The following REXO1 variants were observed in gnomAD, a reference collection of about 807,000 sequenced individuals.
The protein encoded by REXO1 is REX1, RNA exonuclease 1 homolog.
In REXO1, 42 loss-of-function variants were observed where a neutral mutation model predicts 102.6. That is an observed-to-expected ratio of 0.41 (90% CI 0.32 to 0.53). REXO1 has a LOEUF of 0.53. Ranked by LOEUF, REXO1 falls within the 20% of genes least tolerant of loss-of-function variation. The pLI is 0.27. For synonymous variants in REXO1, 908 were observed against 779.1 expected, an observed-to-expected ratio of 1.17 and a Z score of -2.76; for missense variants, 1,819 against 1,732.5, an observed-to-expected ratio of 1.05 and a Z score of -0.89.
At position 1,828,112 on chromosome 19, in the gene REXO1, G is replaced by C. The variant is rs145545644; in HGVS notation, c.677C>G (p.Ser226Cys). ...ATACTCCAGGTCTGTGGGTGGCCTG[G>C]AGTTGTCCACCACGTACTTGCCACT... Reference protein sequence around the residue: ...VPSGKYVVDNSRPPTDLEYDP... With the variant: ...VPSGKYVVDNCRPPTDLEYDP... The change falls in exon 2 of 16, where the codon TCC (serine) becomes TGC (cysteine). Residue 226 changes from serine (S) to cysteine (C), a missense_variant. Ser to Cys is a moderately radical substitution (Grantham distance 112). Transcript: ENST00000170168. 833 of 1,612,894 alleles carry C rather than the reference G, an allele frequency of 5.2e-4. No homozygotes were observed. Among genetic ancestry groups the C allele is most frequent in the Non-Finnish European group, 6.8e-4 (801 of 1,179,860 alleles).
intron 1 of REXO1, among the ~76,000 whole-genome samples, chr19:1,835,946 T>G (rs1383442848): frequency 6.6e-6 from 1 of 152,238 alleles, no homozygotes; most frequent in Non-Finnish European, 1.5e-5. Flanking sequence ...CCACCCATCC[T>G]GACCGCATCT....
chr19:1,834,669 C>T (rs1414819085), intron 1 of REXO1, among the ~76,000 whole-genome samples: 1 of 152,208 alleles, frequency 6.6e-6, no homozygotes, highest in Non-Finnish European at 1.5e-5. Flanking sequence ...CTTCTCGCCT[C>T]GGCCTCCCAA....
chr19:1,840,916 A>G (rs1213679644), intron 1 of REXO1, among the ~76,000 whole-genome samples: 1 of 152,180 alleles, frequency 6.6e-6, no homozygotes, highest in Non-Finnish European at 1.5e-5. Flanking sequence ...GCTCGTCCCG[A>G]GTCCTCCCCC....
chr19:1,832,122 T>C (rs937663767), intron 1 of REXO1, among the ~76,000 whole-genome samples: 1 of 151,524 alleles, frequency 6.6e-6, no homozygotes, highest in African/African-American at 2.4e-5. Context: ...GGCAGGAGGG[T>C]GAGAGTCAGA....
chr19:1,831,555 G>A (rs1234250492), intron 1 of REXO1, among the ~76,000 whole-genome samples: 1 of 152,030 alleles, frequency 6.6e-6, no homozygotes, highest in East Asian at 1.9e-4. Context: ...AGAAATGGCT[G>A]GTTTCGGCCG....
intron 1 of REXO1, among the ~76,000 whole-genome samples, chr19:1,838,015 A>G (rs2070090709): frequency 6.6e-6 from 1 of 152,144 alleles, no homozygotes; most frequent in African/African-American, 2.4e-5. Flanking sequence ...TTTCAAAACA[A>G]TGTAGAAACA....
At chr19:1,819,237 TC>T (rs2069462676) in intron 7 of REXO1, 106 bp from the exon 8 acceptor site, 2 of 221,612 alleles carry the variant, frequency 9.0e-6, no homozygotes, top group Admixed American at 9.9e-5. Context: ...CTGCCTCAAC[TC>T]CCCCTTTCTG....
chr19:1,816,942 G>A (rs1324391341), intron 12 of REXO1, 129 bp from the exon 13 acceptor site: 1 of 771,300 alleles, frequency 1.3e-6, no homozygotes, highest in East Asian at 2.7e-5. Flanking sequence ...GGGACTTCTA[G>A]GAGAGGCCGA....
At chr19:1,828,686 C>G (rs1051667212) in intron 1 of REXO1, 55 bp from the exon 2 acceptor site, 2 of 1,521,904 alleles carry the variant, frequency 1.3e-6, no homozygotes, top group Admixed American at 3.9e-5. Context: ...GAGCCCGCAG[C>G]ATGGGGGCGG....
Position 1,818,585 on chromosome 19 carries a change from C to A in REXO1, c.2913G>T (p.Arg971Ser), listed in dbSNP as rs765408577. ...EEKRPKDSSC[R>S]TCCRCGTEYL... ...ACTCGGTGCCACAGCGGCAGCAGGTCCTGCAGGAAGCTGTGGGTGGGGACC... is the reference window on the plus strand; with the variant it reads ...ACTCGGTGCCACAGCGGCAGCAGGTACTGCAGGAAGCTGTGGGTGGGGACC... The change falls in exon 10 of 16, where the codon AGG becomes AGT. Residue 971 changes from arginine to serine, a missense_variant. Transcript: ENST00000170168. 6.2e-7 allele frequency: 1 copy of A among 1,610,528 alleles called. No homozygotes were observed. Among genetic ancestry groups the A allele is most frequent in the South Asian group, 1.1e-5 (1 of 90,664 alleles).
intron 1 of REXO1, among the ~76,000 whole-genome samples, chr19:1,842,329 G>A (rs145414126): frequency 5.9e-5 from 9 of 152,346 alleles, no homozygotes; most frequent in African/African-American, 2.2e-4. Context: ...TCTGTCTGTG[G>A]GGTTGTCCCC....
rs750043315 is a variant in REXO1, at chr19:1,842,368, T to C, written c.157+5834A>G. ...ACTGAAGGGTGCTGAGCAGTGCCCC[T>C]GGCCTCTGCCCTCTCTGTGCCTGCA... On this transcript the variant is annotated intron_variant, in intron 1 of 15. Transcript: ENST00000170168. Among the ~76,000 whole-genome samples, 161 of 152,366 alleles carry C rather than the reference T, an allele frequency of 1.1e-3. No individual in the cohort carries two copies. In the Middle Eastern group the frequency reaches 0.014, roughly 13 times the overall value.
intron 1 of REXO1, among the ~76,000 whole-genome samples, chr19:1,832,538 G>A (rs1354978432): frequency 6.6e-6 from 1 of 152,210 alleles, no homozygotes; most frequent in African/African-American, 2.4e-5. Context: ...CCTTTCCCTT[G>A]AAATCACAGC....
At chr19:1,838,254 C>T (rs959453498) in intron 1 of REXO1, among the ~76,000 whole-genome samples, 1 of 148,546 alleles carries the variant, frequency 6.7e-6, no homozygotes, top group Non-Finnish European at 1.5e-5. Context: ...AAGGTGGAGT[C>T]TGCAGTGAGC....
Position 1,826,023 on chromosome 19 carries a change from G to A in REXO1, c.1912-80C>T. On this transcript the variant is annotated intron_variant, in intron 2 of 15. Transcript: ENST00000170168. The surrounding 1 kb of genome is among the most constrained non-coding windows in gnomAD (Gnocchi z 4.3). ...ACACCCCAACCTCAAACTGCCCCCGGCAAGTGGGGAATGGAACAGTCCAGC... is the reference window on the plus strand; with the variant it reads ...ACACCCCAACCTCAAACTGCCCCCGACAAGTGGGGAATGGAACAGTCCAGC... 9.9e-7 allele frequency: 1 copy of A among 1,005,802 alleles called. No homozygotes were observed. 62.3% of individuals were successfully genotyped at this position (1,005,802 alleles called of 1,614,324 possible). A position where few individuals can be genotyped will look rare whatever the true frequency, so the allele number is the denominator to read the frequency against.
chr19:1,834,190 G>A (rs1269325625), intron 1 of REXO1, among the ~76,000 whole-genome samples: 1 of 152,144 alleles, frequency 6.6e-6, no homozygotes, highest in African/African-American at 2.4e-5. Flanking sequence ...ACACACACCA[G>A]CCAGCAGACA....
intron 12 of REXO1, 96 bp downstream of exon 12, chr19:1,817,123 C>CGGT: frequency 1.7e-5 from 17 of 974,336 alleles, no homozygotes; most frequent in Non-Finnish European, 2.5e-5. Context: ...GAGCGCTGGC[C>CGGT]GGTGAGCCAG....
chr19:1,839,903 C>T (rs924437916), intron 1 of REXO1, among the ~76,000 whole-genome samples: 8 of 152,242 alleles, frequency 5.3e-5, no homozygotes, highest in Non-Finnish European at 7.3e-5. Flanking sequence ...CTCAGGACTG[C>T]GCAGGCCCAC....
intron 5 of REXO1, 104 bp from the exon 6 acceptor site, chr19:1,820,499 G>T: frequency 1.5e-6 from 2 of 1,359,420 alleles, no homozygotes; most frequent in Non-Finnish European, 2.1e-6. Context: ...GCAAGAGTGA[G>T]GTGCGCTGGG....
Sources: gnomAD v4.1 joint callset for allele counts (sites outside exome capture counted in the v4.1 genomes callset) on GRCh38, gnomAD v4.1.1 for gene constraint, Gnocchi (gnomAD v3.1) non-coding constraint, MANE v1.5 for transcripts, NCBI Gene and HGNC (gene_info 2026-07-23, HGNC 2026-07-21) for gene names.